Variants in NEK5 observed in about 807,000 individuals in gnomAD.
The protein encoded by NEK5 is NIMA related kinase 5.
In NEK5, 88 loss-of-function variants were observed where a neutral mutation model predicts 109.2. The observed-to-expected ratio is 0.81, with a 90% CI of 0.68 to 0.96. The LOEUF (loss-of-function observed/expected upper bound fraction) is 0.96. Ranked by LOEUF, NEK5 falls within the 40% of genes least tolerant of loss-of-function variation. NEK5 has a pLI of 0.00. For missense variants in NEK5, 834 were observed against 920.7 expected (o/e 0.91, Z 1.22); for synonymous variants, 283 against 299.9 (o/e 0.94, Z 0.58).
intron 1 of NEK5, among the ~76,000 whole-genome samples, 162 bp from the exon 2 acceptor site, chr13:52,127,824 T>G (rs1956097265): frequency 6.6e-6 from 1 of 152,220 alleles, no homozygotes; most frequent in Admixed American, 6.5e-5. Context: ...GTTCTGAGAA[T>G]GAAAGATACT....
chr13:52,090,113 TG>T (rs1955247520), intron 13 of NEK5, among the ~76,000 whole-genome samples: 1 of 152,218 alleles, frequency 6.6e-6, no homozygotes, highest in Admixed American at 6.5e-5. Flanking sequence ...AAAGAAATAA[TG>T]GTTTAGCTGT....
At position 52,036,682 on chromosome 13, in the gene NEK5, G is replaced by A. The variant is rs906783524; in HGVS notation, c.*266C>T. On this transcript the variant is annotated 3_prime_UTR_variant, in exon 24 of 24. Transcript: ENST00000684899. ...GGGGTTTCACCATGTTGGTTGGACT[G>A]GTCTCAAACTCCTGACCTCATGATC... 6.6e-6 allele frequency: 1 copy of A among 152,202 alleles called. No homozygotes were observed. The highest frequency in any genetic ancestry group is 1.5e-5 in the Non-Finnish European group (1 of 68,116). The allele number at this position is 152,202 out of a possible 1,614,324, so 9.4% of individuals were successfully genotyped here. A position where few individuals can be genotyped will look rare whatever the true frequency, so the allele number is the denominator to read the frequency against.
At position 52,087,379 on chromosome 13, in the gene NEK5, A is replaced by T. The variant is rs1433548693; in HGVS notation, c.1351T>A (p.Phe451Ile). 4.3e-6 allele frequency: 7 copies of T among 1,611,724 alleles called. No homozygotes were observed. Among genetic ancestry groups the T allele is most frequent in the Non-Finnish European group, 5.9e-6 (7 of 1,178,026 alleles). ...ELRSNGEEPR[F>I]QELPFRKNEM... ...TTTTTCCTAAATGGCAGCTCCTGGA[A>T]TCTAGGCTCTTCTCCATTACTTCTT... Residue 451 changes from phenylalanine (F) to isoleucine (I), a missense_variant, in exon 15 of 24, where the codon TTC becomes ATC. Phe to Ile is a conservative substitution (Grantham distance 21, BLOSUM62 0). This residue lies in a region of NEK5 where 777 missense variants were observed against 824.7 expected (regional missense o/e 0.94). Transcript: ENST00000684899.
intron 21 of NEK5, among the ~76,000 whole-genome samples, chr13:52,063,237 T>C (rs1954629833): frequency 1.3e-5 from 2 of 152,222 alleles, no homozygotes; most frequent in South Asian, 4.1e-4. Context: ...CACGCCTGAC[T>C]GGTTTTCGTA....
intron 3 of NEK5, 128 bp downstream of exon 3, chr13:52,127,238 G>C (rs1956081916): frequency 1.6e-6 from 1 of 609,360 alleles, no homozygotes; most frequent in Admixed American, 2.8e-5. Flanking sequence ...TTAGGAGGTT[G>C]AATTAACAAA....
chr13:52,052,151 C>T (rs565315474), intron 22 of NEK5, among the ~76,000 whole-genome samples: 38 of 142,790 alleles, frequency 2.7e-4, no homozygotes, highest in Non-Finnish European at 4.4e-4. Context: ...AACCAAGGTA[C>T]AATTTACACA....
intron 1 of NEK5, among the ~76,000 whole-genome samples, chr13:52,128,494 T>A (rs1956111487): frequency 6.6e-6 from 1 of 152,206 alleles, no homozygotes; most frequent in Admixed American, 6.5e-5. Flanking sequence ...ATGCTACAGT[T>A]AGGGCATAAT....
At chr13:52,076,035 G>A (rs777131994) in intron 18 of NEK5, 28 bp downstream of exon 18, 3 of 1,408,030 alleles carry the variant, frequency 2.1e-6, no homozygotes, top group Non-Finnish European at 3.0e-6. Flanking sequence ...TATTTAATAT[G>A]GAACCCAAAG....
intron 16 of NEK5, among the ~76,000 whole-genome samples, chr13:52,084,234 A>AT (rs1215825428): frequency 2.0e-5 from 3 of 152,022 alleles, no homozygotes; most frequent in Admixed American, 1.3e-4. Flanking sequence ...TTATAATTGT[A>AT]TTTTTTTATT....
At chr13:52,093,433 G>A (rs565356577) in intron 12 of NEK5, among the ~76,000 whole-genome samples, 198 bp from the exon 13 acceptor site, 1 of 152,114 alleles carries the variant, frequency 6.6e-6, no homozygotes, top group East Asian at 1.9e-4. Flanking sequence ...GGTGGCGCAC[G>A]CCTGTAATCC....
intron 17 of NEK5, among the ~76,000 whole-genome samples, chr13:52,080,214 TG>T (rs553517630): frequency 0.14 from 13,257 of 96,252 alleles, 717 homozygotes; most frequent in Middle Eastern, 0.19. Flanking sequence ...GGGAGGGAGG[TG>T]GGGGGGGGTC....
At chr13:52,039,130 G>A (rs1954392877) in intron 23 of NEK5, among the ~76,000 whole-genome samples, 1 of 152,168 alleles carries the variant, frequency 6.6e-6, no homozygotes, top group African/African-American at 2.4e-5. Flanking sequence ...AAAGAAGATA[G>A]GGAGAGAGAA....
At position 52,063,515 on chromosome 13, in the gene NEK5, C is replaced by T. The variant is rs573915487; in HGVS notation, c.1976-1562G>A. The stretch of plus-strand genomic sequence containing the variant: ...GCCACCCCGTCTGGGAAGTGAGGAG[C>T]GTCTCTGCCCGGCCGCCCATCGTCT... On this transcript the variant is annotated intron_variant, in intron 21 of 23. Coordinates refer to ENST00000684899, the MANE Select transcript of NEK5 (RefSeq NM_001365552.1). 3.9e-5 allele frequency among the ~76,000 whole-genome samples: 6 copies of T among 152,158 alleles called. No homozygotes were observed. The South Asian group carries it at 6.2e-4, about 16-fold the overall frequency.
At position 52,044,719 on chromosome 13, in the gene NEK5, T is replaced by C. The variant is rs371810592; in HGVS notation, c.2228+5385A>G. Among the ~76,000 whole-genome samples the C allele has an allele frequency of 2.6e-5, 4 of 152,210 alleles. No individual in the cohort carries two copies. In the East Asian group the frequency reaches 5.8e-4, roughly 22 times the overall value. ...TATCAAAAAGATTTGTGGGTCTGGC[T>C]GTTATCTAACGAAGTGCCTCCCCAT... On this transcript the variant is annotated intron_variant, in intron 23 of 23. Coordinates refer to ENST00000684899, the MANE Select transcript of NEK5 (RefSeq NM_001365552.1).
chr13:52,050,298 TA>T, intron 22 of NEK5, 77 bp from the exon 23 acceptor site: 2 of 284,470 alleles, frequency 7.0e-6, no homozygotes, highest in Non-Finnish European at 1.1e-5. Flanking sequence ...AAAAACCTGA[TA>T]GTGAACATCA....
rs1022913751 is a variant in NEK5, at chr13:52,071,805, G to A, written c.1849+139C>T. ...TGCATGGGTGGCAGGAGAATAATAA[G>A]TGTGTTTCTGCCTTGCTTAGAGAGG... On this transcript the variant is annotated intron_variant, in intron 20 of 23. Transcript: ENST00000684899. 2.4e-5 allele frequency: 17 copies of A among 709,050 alleles called. 1 individual carries two copies. The highest frequency in any genetic ancestry group is 2.4e-4 in the Middle Eastern group (1 of 4,144). The allele number at this position is 709,050 out of a possible 1,614,324, so 43.9% of individuals were successfully genotyped here. A position where few individuals can be genotyped will look rare whatever the true frequency, so the allele number is the denominator to read the frequency against.
intron 17 of NEK5, among the ~76,000 whole-genome samples, chr13:52,080,113 C>A (rs9568703): frequency 4.6e-5 from 5 of 108,882 alleles, no homozygotes; most frequent in South Asian, 2.8e-4. Context: ...GCAGCCACCC[C>A]GTCTGGGAGG....
intron 9 of NEK5, 56 bp downstream of exon 9, chr13:52,104,442 A>T: frequency 8.1e-7 from 1 of 1,240,558 alleles, no homozygotes; most frequent in Non-Finnish European, 1.2e-6. Flanking sequence ...CCAGAAGTTA[A>T]TTTCTTTTCT....
At chr13:52,046,302 C>G (rs1231885852) in intron 23 of NEK5, among the ~76,000 whole-genome samples, 2 of 149,708 alleles carry the variant, frequency 1.3e-5, no homozygotes, top group Admixed American at 1.3e-4. Flanking sequence ...CACGGCAAGA[C>G]CCTGTCTCTA....
Sources: gnomAD v4.1 joint callset for allele counts (sites outside exome capture counted in the v4.1 genomes callset) on GRCh38, gnomAD v4.1.1 for gene constraint, gnomAD v4.1.1 regional missense constraint, MANE v1.5 for transcripts, NCBI Gene and HGNC (gene_info 2026-07-23, HGNC 2026-07-21) for gene names.